The following ATAD3B variants were observed in gnomAD, a reference collection of about 807,000 sequenced individuals.
The protein encoded by ATAD3B is ATPase family AAA domain containing 3B.
In ATAD3B, 59 loss-of-function variants were observed where a neutral mutation model predicts 70.2. That is an observed-to-expected ratio of 0.84 (90% CI 0.68 to 1.04). ATAD3B has a LOEUF of 1.04. Among genes scored for constraint, ATAD3B ranks in the 50% least tolerant of loss-of-function variants. The pLI is 0.00. For synonymous variants in ATAD3B, 423 were observed against 388.6 expected (o/e 1.09, Z -1.04); for missense variants, 961 against 913.4 (o/e 1.05, Z -0.67).
downstream of ATAD3B, among the ~76,000 whole-genome samples, chr1:1,498,137 CTA>C (rs768721458): frequency 8.0e-5 from 12 of 150,734 alleles, no homozygotes; most frequent in Non-Finnish European, 1.6e-4. Flanking sequence ...ACCCCCATCT[CTA>C]TTAAAAATAC....
At position 1,480,346 on chromosome 1, in the gene ATAD3B, C is replaced by A. The variant is rs1442035361; in HGVS notation, c.445-521C>A. Among the ~76,000 whole-genome samples the A allele has an allele frequency of 2.0e-5, 3 of 146,406 alleles. 1 individual carries two copies. The highest frequency in any genetic ancestry group is 7.7e-5 in the African/African-American group (3 of 39,046). On this transcript the variant is annotated intron_variant, in intron 4 of 15. Transcript: ENST00000673477. Reference sequence around the variant, plus strand: ...GCACGACAAGCCTCCTTGTCTCCCACCCGGGCGCCCAGCTGGCAGTCTGGG... The same window carrying A: ...GCACGACAAGCCTCCTTGTCTCCCAACCGGGCGCCCAGCTGGCAGTCTGGG...
chr1:1,488,598 A>G (rs1640362456), intron 12 of ATAD3B, among the ~76,000 whole-genome samples: 1 of 152,016 alleles, frequency 6.6e-6, no homozygotes, highest in South Asian at 2.1e-4. Flanking sequence ...GTCTATAGTA[A>G]AAATACAAAA....
chr1:1,495,300 C>T (rs1477726155), intron 15 of ATAD3B, among the ~76,000 whole-genome samples, 185 bp from the exon 16 acceptor site: 2 of 152,060 alleles, frequency 1.3e-5, no homozygotes, highest in South Asian at 2.1e-4. Flanking sequence ...GCTGTGGGCA[C>T]TGCAGGGGCC....
At chr1:1,490,942 G>C (rs892598988) in intron 15 of ATAD3B, among the ~76,000 whole-genome samples, 2 of 151,978 alleles carry the variant, frequency 1.3e-5, no homozygotes, top group South Asian at 2.1e-4. Flanking sequence ...CCAGGTGCCC[G>C]GGCTCTGCTG....
intron 13 of ATAD3B, chr1:1,489,574 T>C (rs1570263679): frequency 5.7e-6 from 6 of 1,056,288 alleles, no homozygotes; most frequent in South Asian, 1.5e-5. Flanking sequence ...GCAAGGGAGG[T>C]GGTCTGATTG....
At chr1:1,493,438 T>C (rs529207609) in intron 15 of ATAD3B, among the ~76,000 whole-genome samples, 4 of 151,862 alleles carry the variant, frequency 2.6e-5, no homozygotes, top group Admixed American at 2.0e-4. Context: ...TTTTTTTGTT[T>C]CTTTTCTTTT....
At chr1:1,486,023 T>A (rs1200863863) in intron 9 of ATAD3B, 87 bp from the exon 10 acceptor site, 11 of 1,602,926 alleles carry the variant, frequency 6.9e-6, no homozygotes, top group Non-Finnish European at 9.4e-6. Context: ...AGGAGCAGAG[T>A]CCGCACCCGG....
At chr1:1,479,250 A>G in intron 4 of ATAD3B, 142 bp downstream of exon 4, 1 of 977,730 alleles carries the variant, frequency 1.0e-6, no homozygotes. Flanking sequence ...AACTACTCGG[A>G]CAGACACGCA....
rs777853620 is a variant in ATAD3B, at chr1:1,490,580, A to G, written c.1523A>G (p.Gln508Arg). The change falls in exon 15 of 16, where the codon CAG becomes CGG. Residue 508 changes from glutamine to arginine, a missense_variant. By Grantham distance (43) the Gln-to-Arg change is conservative. Coordinates refer to ENST00000673477, the MANE Select transcript of ATAD3B (RefSeq NM_031921.6). ...TTCCCCAGGCGCCTGAAGCTGGCCCAGTTTGACTACGGGAGGAAGTGCTCG... is the reference window on the plus strand; with the variant it reads ...TTCCCCAGGCGCCTGAAGCTGGCCCGGTTTGACTACGGGAGGAAGTGCTCG... The part of the protein sequence containing the change: ...TEGKRRLKLA[Q>R]FDYGRKCSEV... 3 of 1,610,742 alleles carry G rather than the reference A, an allele frequency of 1.9e-6. No individual in the cohort carries two copies. Among genetic ancestry groups the G allele is most frequent in the South Asian group, 1.1e-5 (1 of 90,590 alleles).
rs1166340883 is a variant in ATAD3B, at chr1:1,477,413, G to T, written c.282+63G>T. ...ACATGGGGTTCAGGCGTGGAGATTG[G>T]TGGGGCTGCTACTGGTGGGTAGGGC... On this transcript the variant is annotated intron_variant, in intron 2 of 15. Transcript: ENST00000673477. 7 of 1,608,016 alleles carry T rather than the reference G, an allele frequency of 4.4e-6. No individual in the cohort carries two copies. The Admixed American group carries it at 1.0e-4, about 23-fold the overall frequency.
chr1:1,472,055 C>T lies in ATAD3B; in HGVS notation c.171C>T (p.Arg57=), dbSNP rs1477298391. 10 of 1,221,966 alleles carry T rather than the reference C, an allele frequency of 8.2e-6. No individual in the cohort carries two copies. Among genetic ancestry groups the T allele is most frequent in the Non-Finnish European group, 7.1e-6 (7 of 980,108 alleles). 75.7% of individuals were successfully genotyped at this position (1,221,966 alleles called of 1,614,324 possible). Residue 57 remains arginine (R), a synonymous_variant, in exon 1 of 16, where the codon CGC becomes CGT. Transcript: ENST00000673477. ...WSNFDPTGLE[R]AAKAARELEH... is the part of the protein sequence containing the mutation. ...ACTTCGACCCCACCGGCCTGGAGCG[C>T]GCCGCCAAGGCGGCGCGCGAGCTGG... is the stretch of plus-strand genomic sequence containing the variant.
chr1:1,483,134 A>AC (rs1352539763), intron 7 of ATAD3B: 1 of 407,550 alleles, frequency 2.5e-6, no homozygotes, highest in African/African-American at 2.1e-5. Context: ...TACTAAAAAA[A>AC]AGAAAAAAAA....
rs373279247 is a variant in ATAD3B at position 1,495,756 on chromosome 1, C to A, written c.1886C>A (p.Ser629Tyr). ...ACTGGGCTGTGCCCAGGGCCTCTGT[C>A]CCCCAGGATGTCTTGTGGTGGCGGT... ...MGTGLCPGPL[S>Y]PRMSCGGGRP... The change falls in exon 16 of 16, where the codon TCC becomes TAC. Residue 629 changes from serine to tyrosine, a missense_variant. Physicochemically the swap from Ser to Tyr is moderately radical, Grantham distance 144. Around this residue, in one of 4 missense-constraint regions of ATAD3B, gnomAD observed 417 missense variants for 335.0 expected, o/e 1.24. Coordinates refer to ENST00000673477, the MANE Select transcript of ATAD3B (RefSeq NM_031921.6). 9.4e-5 allele frequency: 152 copies of A among 1,610,860 alleles called. 1 individual carries two copies. The highest frequency in any genetic ancestry group is 1.2e-4 in the Non-Finnish European group (142 of 1,178,400).
At position 1,487,854 on chromosome 1, in the gene ATAD3B, C is replaced by A; in HGVS notation, c.1215-9C>A. The A allele has an allele frequency of 1.2e-6, 2 of 1,612,852 alleles. No individual in the cohort carries two copies. The highest frequency in any genetic ancestry group is 1.7e-6 in the Non-Finnish European group (2 of 1,179,312). ...CTCTCGCCTTGCTTGGCCTCTCTCT[C>A]GTTCACAGCCTCCTGCTCTTCATGG... On this transcript the variant is annotated splice_polypyrimidine_tract_variant and intron_variant, in intron 11 of 15. Coordinates refer to ENST00000673477, the MANE Select transcript of ATAD3B (RefSeq NM_031921.6).
chr1:1,485,843 G>C lies in ATAD3B; in HGVS notation c.963+5G>C, dbSNP rs372561924. ...CTGGAGGGTGTTGTGCTTAGTGTAA[G>C]TCGGTGTGCCTGGGACCGGGGAGGT... On this transcript the variant is annotated splice_donor_5th_base_variant and intron_variant, in intron 9 of 15. Transcript: ENST00000673477. 4 of 1,612,954 alleles carry C rather than the reference G, an allele frequency of 2.5e-6. No homozygotes were observed. Among genetic ancestry groups the C allele is most frequent in the Non-Finnish European group, 3.4e-6 (4 of 1,179,532 alleles).
At chr1:1,485,699 G>C in intron 8 of ATAD3B, 83 bp from the exon 9 acceptor site, 1 of 1,584,020 alleles carries the variant, frequency 6.3e-7, no homozygotes, top group Non-Finnish European at 8.6e-7. Flanking sequence ...GTTTCTGTGT[G>C]TTACCGAGCA....
chr1:1,482,483 G>A (rs1639970137), intron 6 of ATAD3B, 62 bp from the exon 7 acceptor site: 1 of 1,612,404 alleles, frequency 6.2e-7, no homozygotes, highest in Non-Finnish European at 8.5e-7. Context: ...CCCTCAACCT[G>A]CTCTCGCTGC....
Position 1,490,273 on chromosome 1 carries a change from G to C in ATAD3B, c.1354G>C (p.Ala452Pro), listed in dbSNP as rs377592981. The change falls in exon 14 of 16, where the codon GCC becomes CCC. Residue 452 changes from alanine to proline, a missense_variant. Physicochemically the swap from Ala to Pro is conservative, Grantham distance 27. This residue lies in a region of ATAD3B where 417 missense variants were observed against 335.0 expected (regional missense o/e 1.24). Transcript: ENST00000673477. ...QHSNKFMLVL[A>P]SNLPEQFDCA... ...GTCCTACAGATTCATGCTGGTCCTG[G>C]CCAGCAATCTGCCTGAGCAGTTCGA... is the stretch of plus-strand genomic sequence containing the variant. 5.0e-6 allele frequency: 8 copies of C among 1,612,682 alleles called. No individual in the cohort carries two copies. In the African/African-American group the frequency reaches 1.1e-4, roughly 22 times the overall value.
At chr1:1,488,900 G>C (rs1157099164) in intron 12 of ATAD3B, among the ~76,000 whole-genome samples, 1 of 151,798 alleles carries the variant, frequency 6.6e-6, no homozygotes, top group African/African-American at 2.4e-5. Context: ...AGTGGCTTGA[G>C]ATTACAGGTG....
Sources: allele counts gnomAD v4.1 joint callset (sites outside exome capture counted in the v4.1 genomes callset), GRCh38; gene constraint gnomAD v4.1.1; regional missense constraint gnomAD v4.1.1; transcripts MANE v1.5; gene names NCBI Gene and HGNC (gene_info 2026-07-23, HGNC 2026-07-21).